Variants in PDE8B observed in about 807,000 individuals in gnomAD.
The protein encoded by PDE8B is high affinity cAMP-specific and IBMX-insensitive 3',5'-cyclic phosphodiesterase 8B.
Under a neutral mutation model 101.3 loss-of-function variants are expected in PDE8B, and 26 were observed. The ratio of observed to expected loss-of-function variants is 0.26; its 90% CI spans 0.19 to 0.36. The LOEUF is 0.36. Among genes scored for constraint, PDE8B ranks in the 10% least tolerant of loss-of-function variants. The pLI is 1.00. For missense variants in PDE8B, 810 were observed against 1,163.1 expected (o/e 0.70, Z 4.42); for synonymous variants, 424 against 429.3 (o/e 0.99, Z 0.15).
intron 17 of PDE8B, 63 bp from the exon 18 acceptor site, chr5:77,418,164 CAA>C: frequency 1.9e-6 from 2 of 1,059,082 alleles, no homozygotes; most frequent in Admixed American, 3.4e-5. Context: ...TCCGCACAGA[CAA>C]GGATGGATGT....
In PDE8B at chr5:77,401,973, G is replaced by A. The variant is rs148805924; in HGVS notation, c.1210+1683G>A. On this transcript the variant is annotated intron_variant, in intron 11 of 21. Transcript: ENST00000264917. ...ACTTAGAATTCAACCAGCTAGCCTG[G>A]GCCACAGCCTTGAAGCTAACCTCTC... 2.7e-4 allele frequency among the ~76,000 whole-genome samples: 41 copies of A among 152,178 alleles called. No individual in the cohort carries two copies. The East Asian group carries it at 7.3e-3, about 27-fold the overall frequency.
chr5:77,398,097 T>C (rs1010076422), intron 10 of PDE8B, among the ~76,000 whole-genome samples: 76 of 95,520 alleles, frequency 8.0e-4, no homozygotes, highest in Non-Finnish European at 2.0e-3. Context: ...TGGAAATTCC[T>C]TTTTTTAGAT....
chr5:77,182,155 G>A, the PDE8B span, among the ~76,000 whole-genome samples: 6 of 151,958 alleles, frequency 3.9e-5, no homozygotes, highest in African/African-American at 1.5e-4. Flanking sequence ...AAGGCTCAGA[G>A]CCTTTAATTC....
chr5:77,290,059 G>C (rs1425812156), intron 1 of PDE8B, among the ~76,000 whole-genome samples: 2 of 152,232 alleles, frequency 1.3e-5, no homozygotes, highest in Admixed American at 1.3e-4. Flanking sequence ...ACTGCCTGCT[G>C]TGCCAAGATA....
chr5:77,425,910 T>A lies in PDE8B; in HGVS notation c.2548+14T>A. 6.2e-7 allele frequency: 1 copy of A among 1,612,170 alleles called. No homozygotes were observed. The highest frequency in any genetic ancestry group is 8.5e-7 in the Non-Finnish European group (1 of 1,178,288). ...ATGCTTGGGATGGTAAGACAGTTAC[T>A]GTTTTGTCACCCAAAGAAAATTGTT... is the stretch of plus-strand genomic sequence containing the variant. On this transcript the variant is annotated intron_variant, in intron 21 of 21. Coordinates refer to ENST00000264917, the MANE Select transcript of PDE8B (RefSeq NM_003719.5).
intron 1 of PDE8B, among the ~76,000 whole-genome samples, chr5:77,282,457 G>A (rs1203129386): frequency 6.6e-6 from 1 of 152,160 alleles, no homozygotes; most frequent in Non-Finnish European, 1.5e-5. Context: ...CGCTGGCTGA[G>A]TTTGGATTTG....
chr5:77,340,600 AGTGTGT>A (rs34764404), intron 6 of PDE8B, among the ~76,000 whole-genome samples: 3,953 of 140,108 alleles, frequency 0.028, 91 homozygotes, highest in African/African-American at 0.067. Flanking sequence ...GCAGCCTCAC[AGTGTGT>A]GTGTGTGTGT....
rs1003716481 is a variant in PDE8B, at chr5:77,376,305, A to T, written c.1167+22899A>T. 5.9e-5 allele frequency among the ~76,000 whole-genome samples: 9 copies of T among 152,228 alleles called. No homozygotes were observed. In the East Asian group the frequency reaches 1.5e-3, roughly 26 times the overall value. ...CCCAAACTTACCTTTTAACTGCTCG[A>T]CCGCATGGCACCACCTTTTGGGAAA... On this transcript the variant is annotated intron_variant, in intron 10 of 21. Transcript: ENST00000264917.
chr5:77,344,918 A>C lies in PDE8B; in HGVS notation c.863A>C (p.Asp288Ala), dbSNP rs1779876647. The change falls in exon 7 of 22, where the codon GAC (aspartate) becomes GCC (alanine). Residue 288 changes from aspartate (D) to alanine (A), a missense_variant. By Grantham distance (126) the Asp-to-Ala change is moderately radical. This residue lies in a region of PDE8B where 251 missense variants were observed against 378.8 expected (regional missense o/e 0.66). Transcript: ENST00000264917. ...CHEAIEITSD[D>A]HVIQYVNPAF... is the part of the protein sequence containing the mutation. ...GAAGCCATAGAAATAACAAGCGATG[A>C]CCACGTGATTCAGGTATGGAAAGAA... The C allele has an allele frequency of 6.2e-7, 1 of 1,607,596 alleles. No homozygotes were observed. The highest frequency in any genetic ancestry group is 1.7e-5 in the Admixed American group (1 of 59,994).
At chr5:77,121,411 G>T in the PDE8B span, among the ~76,000 whole-genome samples, 1 of 151,994 alleles carries the variant, frequency 6.6e-6, no homozygotes, top group Non-Finnish European at 1.5e-5. Flanking sequence ...TTATGACCTG[G>T]TTTTGGAAAT....
At chr5:77,150,818 T>G in the PDE8B span, among the ~76,000 whole-genome samples, 17 of 152,148 alleles carry the variant, frequency 1.1e-4, no homozygotes, top group African/African-American at 4.1e-4. Flanking sequence ...ACTACCCTTA[T>G]TTTTCAAATA....
intron 1 of PDE8B, among the ~76,000 whole-genome samples, chr5:77,241,199 C>A (rs1326232631): frequency 1.3e-5 from 2 of 152,206 alleles, no homozygotes; most frequent in African/African-American, 4.8e-5. Context: ...AGCACGCACA[C>A]CTCATTGCTT....
chr5:77,140,190 A>G, the PDE8B span: 2 of 152,206 alleles, frequency 1.3e-5, no homozygotes, highest in Non-Finnish European at 2.9e-5. Flanking sequence ...AATGCATGGC[A>G]TGGGCTTGGC....
chr5:77,255,851 T>A (rs1008364450), intron 1 of PDE8B, among the ~76,000 whole-genome samples: 4 of 152,188 alleles, frequency 2.6e-5, no homozygotes, highest in Admixed American at 6.5e-5. Context: ...GCACAGAGGT[T>A]TCGATTCCTT....
At chr5:77,148,662 C>T in the PDE8B span, 1 of 152,100 alleles carries the variant, frequency 6.6e-6, no homozygotes, top group Admixed American at 6.5e-5. Flanking sequence ...TGCTTGTTAG[C>T]CATTTATGTA....
rs140550226 is a variant in PDE8B at position 77,283,925 on chromosome 5, T to C, written c.340-28069T>C. ...AGGAAACCAAGTCTTCCAAAGTGAC[T>C]CTACCATTTTGCATTTTCACTGACA... On this transcript the variant is annotated intron_variant, in intron 1 of 21. Transcript: ENST00000264917. Among the ~76,000 whole-genome samples, 14 of 152,348 alleles carry C rather than the reference T, an allele frequency of 9.2e-5. No homozygotes were observed. In the East Asian group the frequency reaches 2.5e-3, roughly 27 times the overall value.
chr5:77,191,633 G>A, the PDE8B span, among the ~76,000 whole-genome samples: 4 of 152,156 alleles, frequency 2.6e-5, no homozygotes, highest in African/African-American at 4.8e-5. Context: ...GATTACAGGC[G>A]TGAGCCACTG....
intron 3 of PDE8B, among the ~76,000 whole-genome samples, chr5:77,328,709 T>A (rs566879894): frequency 1.3e-5 from 2 of 152,330 alleles, no homozygotes; most frequent in East Asian, 3.9e-4. Flanking sequence ...GTTTCAATTT[T>A]AAAAAATGGA....
At chr5:77,171,643 A>C in the PDE8B span, among the ~76,000 whole-genome samples, 1 of 152,198 alleles carries the variant, frequency 6.6e-6, no homozygotes, top group Admixed American at 6.5e-5. Context: ...TTCAGGAAAC[A>C]GGTGAGGGCT....
Sources: allele counts gnomAD v4.1 joint callset (sites outside exome capture counted in the v4.1 genomes callset), GRCh38; gene constraint gnomAD v4.1.1; regional missense constraint gnomAD v4.1.1; transcripts MANE v1.5; gene names NCBI Gene and HGNC (gene_info 2026-07-23, HGNC 2026-07-21).